REL: variants seen among roughly 807,000 people sequenced by gnomAD.
REL encodes proto-oncogene c-Rel.
A neutral mutation model predicts 45.9 loss-of-function variants in REL; 15 were observed. That is an observed-to-expected ratio of 0.33 (90% CI 0.22 to 0.50). The LOEUF (loss-of-function observed/expected upper bound fraction) is 0.50. REL is among the 20% of genes least tolerant of loss of function. The probability of loss-of-function intolerance (pLI) is 0.98; values close to 1 mark genes in which losing one functional copy is unlikely to be tolerated. For synonymous variants in REL, 239 were observed against 242.1 expected, an observed-to-expected ratio of 0.99 and a Z score of 0.12; for missense variants, 601 against 715.2, an observed-to-expected ratio of 0.84 and a Z score of 1.82.
At chr2:60,916,140 C>T (rs1673956219) in intron 4 of REL, among the ~76,000 whole-genome samples, 1 of 152,222 alleles carries the variant, frequency 6.6e-6, no homozygotes, top group Admixed American at 6.5e-5. Context: ...AGGCCAGGCT[C>T]AGTGGCTCAC....
At position 60,921,979 on chromosome 2, in the gene REL, C is replaced by T. The variant is rs751354706; in HGVS notation, c.1208C>T (p.Thr403Ile). 14 of 1,614,054 alleles carry T rather than the reference C, an allele frequency of 8.7e-6. No homozygotes were observed. The highest frequency in any genetic ancestry group is 2.7e-5 in the African/African-American group (2 of 74,912). Residue 403 changes from threonine to isoleucine, a missense_variant, in exon 10 of 10, where the codon ACA (threonine) becomes ATA (isoleucine). Around this residue, in one of 4 missense-constraint regions of REL, gnomAD observed 334 missense variants for 333.1 expected, o/e 1.00. Transcript: ENST00000394479. The part of the protein sequence containing the change: ...TNPLSSFSTR[T>I]LPSNSQGIPP... The stretch of plus-strand genomic sequence containing the variant: ...CCACTGAGTAGTTTTTCAACAAGGA[C>T]ACTTCCTTCTAATTCGCAAGGTATC...
chr2:60,915,230 C>A (rs1333614320), intron 4 of REL, among the ~76,000 whole-genome samples: 1 of 152,142 alleles, frequency 6.6e-6, no homozygotes, highest in African/African-American at 2.4e-5. Context: ...TTTAAACTTA[C>A]CAGGAACATC....
At chr2:60,904,460 A>T (rs944487751) in intron 4 of REL, among the ~76,000 whole-genome samples, 8 of 151,664 alleles carry the variant, frequency 5.3e-5, no homozygotes, top group Non-Finnish European at 8.8e-5. Context: ...GATCCCAGCT[A>T]CTCAGGAGGC....
chr2:60,920,155 ATTTAC>A (rs1306210844), intron 8 of REL, 46 bp downstream of exon 8: 12 of 1,328,636 alleles, frequency 9.0e-6, no homozygotes, highest in African/African-American at 1.5e-5. Flanking sequence ...GTTTTGTTTT[ATTTAC>A]TTTATTCAGT....
At chr2:60,894,357 G>T (rs842644) in intron 2 of REL, 40 bp from the exon 3 acceptor site, 26 of 1,234,898 alleles carry the variant, frequency 2.1e-5, no homozygotes, top group Non-Finnish European at 2.9e-5. Context: ...TTATAATGCA[G>T]TCTATTTGGA....
At chr2:60,883,966 A>G (rs1374700006) in intron 1 of REL, among the ~76,000 whole-genome samples, 1 of 151,610 alleles carries the variant, frequency 6.6e-6, no homozygotes, top group Non-Finnish European at 1.5e-5. Context: ...GAATAAAAAA[A>G]AAAAAATGTT....
rs993958319 is a variant in REL, at chr2:60,927,823, T to A, written c.*5288T>A. ...TTAACACCCATGTCACCACCATGTT[T>A]AGGACATTTCCAGCACCCCTGAAAT... On this transcript the variant is annotated 3_prime_UTR_variant, in exon 10 of 10. Coordinates refer to ENST00000394479, the MANE Select transcript of REL (RefSeq NM_001291746.2). 4.4e-6 allele frequency: 1 copy of A among 227,620 alleles called. No individual in the cohort carries two copies. The highest frequency in any genetic ancestry group is 8.7e-6 in the Non-Finnish European group (1 of 114,524). 14.1% of individuals were successfully genotyped at this position (227,620 alleles called of 1,614,324 possible).
chr2:60,883,325 A>G (rs1327446153), intron 1 of REL, among the ~76,000 whole-genome samples: 4 of 152,148 alleles, frequency 2.6e-5, no homozygotes, highest in Non-Finnish European at 5.9e-5. Context: ...CAGAAAAGGA[A>G]ATTGGGGTGT....
intron 5 of REL, among the ~76,000 whole-genome samples, chr2:60,917,726 G>T (rs190381624): frequency 2.0e-5 from 3 of 151,294 alleles, no homozygotes; most frequent in Non-Finnish European, 4.4e-5. Context: ...ACGTGTGTGT[G>T]TGTGTACATA....
At chr2:60,918,710 TTA>T (rs1674051569) in intron 7 of REL, 104 bp downstream of exon 7, 3 of 776,620 alleles carry the variant, frequency 3.9e-6, no homozygotes, top group Non-Finnish European at 6.3e-6. Context: ...TATTCATAAT[TTA>T]TGTTTCTTTT....
intron 2 of REL, among the ~76,000 whole-genome samples, chr2:60,892,288 C>T (rs1673233718): frequency 6.6e-6 from 1 of 152,116 alleles, no homozygotes; most frequent in South Asian, 2.1e-4. Context: ...TATTGCTTGT[C>T]TCTGATTCTC....
intron 1 of REL, 80 bp from the exon 2 acceptor site, chr2:60,891,603 T>TA (rs1267312629): frequency 8.1e-5 from 101 of 1,239,776 alleles, no homozygotes; most frequent in South Asian, 2.8e-4. Flanking sequence ...TCTGCTGTTA[T>TA]AAAAAAAACA....
chr2:60,930,248 G>C lies in REL; in HGVS notation c.*7713G>C, dbSNP rs1248330518. ...AAATATTGTTAATAAACCAATATCTGTATATCCTATGTCCCGGATTAATCT... is the reference window on the plus strand; with the variant it reads ...AAATATTGTTAATAAACCAATATCTCTATATCCTATGTCCCGGATTAATCT... On this transcript the variant is annotated 3_prime_UTR_variant, in exon 10 of 10. Transcript: ENST00000394479. 6.6e-6 allele frequency: 1 copy of C among 152,312 alleles called. No homozygotes were observed. The highest frequency in any genetic ancestry group is 1.5e-5 in the Non-Finnish European group (1 of 68,028). The allele number at this position is 152,312 out of a possible 1,614,324, so 9.4% of individuals were successfully genotyped here.
chr2:60,887,048 A>G (rs935470279), intron 1 of REL, among the ~76,000 whole-genome samples: 1 of 152,178 alleles, frequency 6.6e-6, no homozygotes, highest in Non-Finnish European at 1.5e-5. Context: ...CTTAGTTAAG[A>G]GTACTTATTT....
intron 9 of REL, among the ~76,000 whole-genome samples, chr2:60,921,097 A>G (rs763038394): frequency 2.0e-5 from 3 of 152,110 alleles, no homozygotes; most frequent in Non-Finnish European, 4.4e-5. Flanking sequence ...GACTTTTTAC[A>G]GAAAAAAAAA....
chr2:60,915,288 T>A (rs1359097577), intron 4 of REL, among the ~76,000 whole-genome samples: 1 of 152,234 alleles, frequency 6.6e-6, no homozygotes, highest in Non-Finnish European at 1.5e-5. Flanking sequence ...ATCTTTGCAA[T>A]TGAGAGACAC....
chr2:60,894,105 C>G (rs1368475827), intron 2 of REL, among the ~76,000 whole-genome samples: 1 of 152,010 alleles, frequency 6.6e-6, no homozygotes, highest in Non-Finnish European at 1.5e-5. Context: ...TTCTCATGTT[C>G]TATGGATAAA....
intron 7 of REL, among the ~76,000 whole-genome samples, chr2:60,919,181 A>C (rs1466690827): frequency 6.6e-6 from 1 of 152,168 alleles, no homozygotes; most frequent in Non-Finnish European, 1.5e-5. Context: ...TTATTGCATT[A>C]GTTGACATTA....
Position 60,922,735 on chromosome 2 carries a change from GA to G in REL, c.*202del, listed in dbSNP as rs1033748567. 1.3e-5 allele frequency: 15 copies of G among 1,184,214 alleles called. No individual in the cohort carries two copies. In the African/African-American group the frequency reaches 2.4e-4, roughly 19 times the overall value. 73.4% of individuals were successfully genotyped at this position (1,184,214 alleles called of 1,614,324 possible). A position where few individuals can be genotyped will look rare whatever the true frequency, so the allele number is the denominator to read the frequency against. On this transcript the variant is annotated 3_prime_UTR_variant, in exon 10 of 10. Coordinates refer to ENST00000394479, the MANE Select transcript of REL (RefSeq NM_001291746.2). Reference sequence around the variant, plus strand: ...TTTGGACATAGCGAATACAAAATTGGAAGCTGTCATAAAAAGACAACTCAGA... The same window carrying G: ...TTTGGACATAGCGAATACAAAATTGGAGCTGTCATAAAAAGACAACTCAGA...
Sources: gnomAD v4.1 joint callset for allele counts (sites outside exome capture counted in the v4.1 genomes callset) on GRCh38, gnomAD v4.1.1 for gene constraint, gnomAD v4.1.1 regional missense constraint, MANE v1.5 for transcripts, NCBI Gene and HGNC (gene_info 2026-07-23, HGNC 2026-07-21) for gene names.